Variants in PRKCG observed in about 807,000 individuals in gnomAD.
PRKCG encodes the protein protein kinase C gamma.
A neutral mutation model predicts 82.0 loss-of-function variants in PRKCG; 28 were observed. That is an observed-to-expected ratio of 0.34 (90% CI 0.25 to 0.47). The LOEUF (loss-of-function observed/expected upper bound fraction) is 0.47. PRKCG is among the 20% of genes least tolerant of loss of function. The pLI, the probability that PRKCG is intolerant of heterozygous loss-of-function variation, is 1.00. For missense variants in PRKCG, 640 were observed against 952.7 expected (o/e 0.67, Z 4.32); for synonymous variants, 383 against 376.6 (o/e 1.02, Z -0.20).
chr19:53,886,348 C>T (rs1276928427), intron 3 of PRKCG, among the ~76,000 whole-genome samples: 2 of 152,054 alleles, frequency 1.3e-5, no homozygotes, highest in African/African-American at 2.4e-5. Context: ...ACGTGATCCA[C>T]CCACCTCGGC....
chr19:53,893,282 T>C lies in PRKCG; in HGVS notation c.910-80T>C. 13 of 1,472,080 alleles carry C rather than the reference T, an allele frequency of 8.8e-6. No individual in the cohort carries two copies. In the South Asian group the frequency reaches 1.5e-4, roughly 17 times the overall value. 91.2% of individuals were successfully genotyped at this position (1,472,080 alleles called of 1,614,324 possible). A position where few individuals can be genotyped will look rare whatever the true frequency, so the allele number is the denominator to read the frequency against. Reference sequence around the variant, plus strand: ...CCTATCTATCGCCATGGCTTGAGGGTACTAGGGGCCACCAGCCCCTGTTCT... The same window carrying C: ...CCTATCTATCGCCATGGCTTGAGGGCACTAGGGGCCACCAGCCCCTGTTCT... On this transcript the variant is annotated intron_variant, in intron 8 of 17. Coordinates refer to ENST00000263431, the MANE Select transcript of PRKCG (RefSeq NM_002739.5).
Position 53,891,867 on chromosome 19 carries a change from C to G in PRKCG, c.686+37C>G, listed in dbSNP as rs575060770. The G allele has an allele frequency of 9.3e-6, 15 of 1,613,174 alleles. No individual in the cohort carries two copies. In the East Asian group the frequency reaches 3.3e-4, roughly 36 times the overall value. ...GTGCAGGGAAGGCAATGACAGCTGA[C>G]AGAGAATGATCTGAGGGTCCTAGTG... On this transcript the variant is annotated intron_variant, in intron 6 of 17. Coordinates refer to ENST00000263431, the MANE Select transcript of PRKCG (RefSeq NM_002739.5).
intron 17 of PRKCG, 113 bp downstream of exon 17, chr19:53,906,570 C>T (rs1456394967): frequency 1.9e-6 from 3 of 1,564,316 alleles, no homozygotes. Flanking sequence ...CCCCCGCCCC[C>T]AACAAAAGGA....
At chr19:53,901,689 A>T (rs1337053549) in intron 14 of PRKCG, among the ~76,000 whole-genome samples, 1 of 150,478 alleles carries the variant, frequency 6.6e-6, no homozygotes, top group Admixed American at 6.6e-5. Flanking sequence ...ATCTCTACTA[A>T]AAATACAAAA....
Position 53,889,646 on chromosome 19 carries a change from G to T in PRKCG, c.294G>T (p.Arg98=). The change falls in exon 4 of 18, where the codon CGG becomes CGT. Residue 98 remains arginine, a synonymous_variant. Transcript: ENST00000263431. This position sits in a 1 kb window ranked among gnomAD's most constrained non-coding sequence, Gnocchi z 4.4. ...GTCTTCTCTGCCCCCAGGACCCCCG[G>T]AACAAACACAAGTTCCGCCTGCATA... ...AGKGPQTDDP[R]NKHKFRLHSY... 1 of 1,614,026 alleles carries T rather than the reference G, an allele frequency of 6.2e-7. No individual in the cohort carries two copies. Among genetic ancestry groups the T allele is most frequent in the Non-Finnish European group, 8.5e-7 (1 of 1,179,992 alleles).
At chr19:53,891,864 TGA>T in intron 6 of PRKCG, 34 bp downstream of exon 6, 1 of 1,613,238 alleles carries the variant, frequency 6.2e-7, no homozygotes, top group East Asian at 2.2e-5. Flanking sequence ...CAATGACAGC[TGA>T]CAGAGAATGA....
chr19:53,899,618 C>T (rs1034915461), intron 11 of PRKCG, among the ~76,000 whole-genome samples: 10 of 151,144 alleles, frequency 6.6e-5, no homozygotes, highest in Admixed American at 6.6e-4. Flanking sequence ...AAGGAGTTAG[C>T]TCTTGTCCCC....
chr19:53,898,900 G>A (rs1490063622), intron 11 of PRKCG, among the ~76,000 whole-genome samples: 1 of 142,462 alleles, frequency 7.0e-6, no homozygotes, highest in African/African-American at 2.7e-5. Context: ...GCGTGGCCAG[G>A]TGGAGGGACT....
Position 53,906,105 on chromosome 19 carries a change from TC to T in PRKCG, c.1765-211del, listed in dbSNP as rs1356476242. On this transcript the variant is annotated intron_variant, in intron 16 of 17. Transcript: ENST00000263431. ...TCCTCCTTCTTCTTCTTCTTCTTCT[TC>T]TTCTTCTTCTTCTTTTCTTCTCTCT... is the stretch of plus-strand genomic sequence containing the variant. Among the ~76,000 whole-genome samples, 16 of 92,246 alleles carry T rather than the reference TC, an allele frequency of 1.7e-4. 2 individuals carry two copies. Among genetic ancestry groups the T allele is most frequent in the Admixed American group, 9.1e-4 (9 of 9,922 alleles). The allele number at this position is 92,246 out of a possible 152,430, so 60.5% of individuals were successfully genotyped here.
rs115832790 is a variant in PRKCG, at chr19:53,891,782, G to A, written c.638G>A (p.Arg213Gln). Residue 213 changes from arginine (R) to glutamine (Q), a missense_variant, in exon 6 of 18, where the codon CGA (arginine) becomes CAA (glutamine). Arg to Gln is a conservative substitution (Grantham distance 43). Coordinates refer to ENST00000263431, the MANE Select transcript of PRKCG (RefSeq NM_002739.5). ...CGGAACCTGACGAAACAGAAGACCC[G>A]AACGGTGAAAGCCACGCTAAACCCT... The part of the protein sequence containing the change: ...DPRNLTKQKT[R>Q]TVKATLNPVW... The A allele has an allele frequency of 3.1e-4, 501 of 1,614,078 alleles. 3 individuals are homozygous for A. Among genetic ancestry groups the A allele is most frequent in the Non-Finnish European group, 2.4e-4 (288 of 1,180,008 alleles).
At chr19:53,898,280 ACT>A (rs2068732111) in intron 10 of PRKCG, among the ~76,000 whole-genome samples, 158 bp from the exon 11 acceptor site, 1 of 151,674 alleles carries the variant, frequency 6.6e-6, no homozygotes, top group South Asian at 2.1e-4. Flanking sequence ...AGATGTGGAC[ACT>A]CTCCTTGAGG....
At chr19:53,902,644 C>T (rs1170125470) in intron 14 of PRKCG, among the ~76,000 whole-genome samples, 1 of 152,004 alleles carries the variant, frequency 6.6e-6, no homozygotes, top group Non-Finnish European at 1.5e-5. Flanking sequence ...CCTATAATCC[C>T]AGCACTTTGG....
chr19:53,896,908 T>C (rs892612562), intron 9 of PRKCG, among the ~76,000 whole-genome samples: 1 of 152,196 alleles, frequency 6.6e-6, no homozygotes, highest in Non-Finnish European at 1.5e-5. Context: ...AAGAGAGGCA[T>C]CTGACCCAGT....
rs2068604416 is a variant in PRKCG at position 53,883,001 on chromosome 19, G to A, written c.171-162G>A. On this transcript the variant is annotated intron_variant, in intron 1 of 17. Coordinates refer to ENST00000263431, the MANE Select transcript of PRKCG (RefSeq NM_002739.5). This position sits in a 1 kb window ranked among gnomAD's most constrained non-coding sequence, Gnocchi z 5.4. ...ACTCCAGTCTAAGGGAAGAAGGGCT[G>A]GGGGCCAAAATTTCTGGGTTCTAGA... 6.6e-6 allele frequency among the ~76,000 whole-genome samples: 1 copy of A among 152,084 alleles called. No individual in the cohort carries two copies. Among genetic ancestry groups the A allele is most frequent in the Non-Finnish European group, 1.5e-5 (1 of 67,994 alleles).
chr19:53,904,824 T>C, intron 16 of PRKCG, 82 bp downstream of exon 16: 2 of 1,148,148 alleles, frequency 1.7e-6, no homozygotes, highest in Non-Finnish European at 2.6e-6. Context: ...AGAAAAATGC[T>C]CCCATTCCTG....
chr19:53,897,971 G>T lies in PRKCG; in HGVS notation c.952G>T (p.Gly318Cys). The T allele has an allele frequency of 6.2e-7, 1 of 1,614,044 alleles. No homozygotes were observed. Among genetic ancestry groups the T allele is most frequent in the Non-Finnish European group, 8.5e-7 (1 of 1,180,002 alleles). ...PLELYERVRMGPSSSPIPSPS... is the reference protein window; with the variant it reads ...PLELYERVRMCPSSSPIPSPS... ...CTCCTTTCCACAGCGGGTGCGGATG[G>T]GCCCCTCTTCCTCTCCCATCCCCTC... is the stretch of plus-strand genomic sequence containing the variant. Residue 318 changes from glycine (G) to cysteine (C), a missense_variant, in exon 10 of 18, where the codon GGC becomes TGC. Gly to Cys is a radical substitution (Grantham distance 159, BLOSUM62 -3). Around this residue, in one of 7 missense-constraint regions of PRKCG, gnomAD observed 261 missense variants for 312.1 expected, o/e 0.84. Coordinates refer to ENST00000263431, the MANE Select transcript of PRKCG (RefSeq NM_002739.5).
chr19:53,881,629 G>A (rs2068590430), upstream of PRKCG, among the ~76,000 whole-genome samples: 1 of 151,620 alleles, frequency 6.6e-6, no homozygotes, highest in Admixed American at 6.6e-5. Context: ...AGGAAATAGA[G>A]AAATAGAAAG....
rs556807203 is a variant in PRKCG at position 53,892,372 on chromosome 19, G to A, written c.687-137G>A. ...CTGGAGAGAGAGCCCGGCTGGGAAGGTCAGAGGTCGGAGACCGACAAAGCA... is the reference window on the plus strand; with the variant it reads ...CTGGAGAGAGAGCCCGGCTGGGAAGATCAGAGGTCGGAGACCGACAAAGCA... On this transcript the variant is annotated intron_variant, in intron 6 of 17. Transcript: ENST00000263431. This position sits in a 1 kb window ranked among gnomAD's most constrained non-coding sequence, Gnocchi z 5.9. 5 of 1,352,018 alleles carry A rather than the reference G, an allele frequency of 3.7e-6. No individual in the cohort carries two copies. Among genetic ancestry groups the A allele is most frequent in the East Asian group, 2.5e-5 (1 of 39,806 alleles). 83.8% of individuals were successfully genotyped at this position (1,352,018 alleles called of 1,614,324 possible).
chr19:53,895,958 G>A (rs568663563), intron 9 of PRKCG, among the ~76,000 whole-genome samples: 227 of 152,048 alleles, frequency 1.5e-3, no homozygotes, highest in African/African-American at 5.2e-3. Flanking sequence ...TACTCAGGAG[G>A]CTGAGGCAGG....
Sources: allele counts gnomAD v4.1 joint callset (sites outside exome capture counted in the v4.1 genomes callset), GRCh38; gene constraint gnomAD v4.1.1; regional missense constraint gnomAD v4.1.1; non-coding constraint Gnocchi (gnomAD v3.1); transcripts MANE v1.5; gene names NCBI Gene and HGNC (gene_info 2026-07-23, HGNC 2026-07-21).